The following RP1L1 variants were observed in gnomAD, a reference collection of about 807,000 sequenced individuals.
RP1L1 encodes the protein retinitis pigmentosa 1-like 1 protein.
A neutral mutation model predicts 15.7 loss-of-function variants in RP1L1; 27 were observed. The observed-to-expected ratio is 1.72, with a 90% CI of 1.27 to 2.38. The LOEUF (loss-of-function observed/expected upper bound fraction) is 2.38. Among genes scored for constraint, RP1L1 ranks in the 30% most tolerant of loss-of-function variants. The pLI, the probability that RP1L1 is intolerant of heterozygous loss-of-function variation, is 0.00. For synonymous variants in RP1L1, 1,813 were observed against 1,276.7 expected, an observed-to-expected ratio of 1.42 and a Z score of -8.96; for missense variants, 4,798 against 3,075.9, an observed-to-expected ratio of 1.56 and a Z score of -13.24.
intron 3 of RP1L1, 86 bp downstream of exon 3, chr8:10,616,360 T>A (rs1469127488): frequency 1.3e-6 from 2 of 1,577,532 alleles, no homozygotes; most frequent in South Asian, 2.2e-5. Context: ...GGAAGTTTCC[T>A]GAATTACCTG....
At chr8:10,645,721 A>G (rs1325993571) in intron 1 of RP1L1, among the ~76,000 whole-genome samples, 1 of 152,138 alleles carries the variant, frequency 6.6e-6, no homozygotes, top group Non-Finnish European at 1.5e-5. Flanking sequence ...CAGGTCCTCA[A>G]CCAAGCAAAC....
rs773981339 is a variant in RP1L1 at position 10,607,670 on chromosome 8, G to A, written c.6428C>T (p.Pro2143Leu). The A allele has an allele frequency of 1.9e-6, 3 of 1,588,700 alleles. No homozygotes were observed. The highest frequency in any genetic ancestry group is 1.1e-5 in the South Asian group (1 of 89,240). ...EAPEAEGEAQ[P>L]ESEGVEAQDA... Reference sequence around the variant, plus strand: ...CTGGGCCTCTACACCTTCTGACTCAGGCTGGGCCTCCCCTTCAGCCTCTGG... The same window carrying A: ...CTGGGCCTCTACACCTTCTGACTCAAGCTGGGCCTCCCCTTCAGCCTCTGG... Residue 2143 changes from proline to leucine, a missense_variant, in exon 4 of 4, where the codon CCT (proline) becomes CTT (leucine). Pro to Leu is a moderately conservative substitution (Grantham distance 98). Coordinates refer to ENST00000382483, the MANE Select transcript of RP1L1 (RefSeq NM_178857.6).
chr8:10,622,795 C>G lies in RP1L1; in HGVS notation c.407G>C (p.Arg136Pro), dbSNP rs189960401. 1 of 1,613,786 alleles carries G rather than the reference C, an allele frequency of 6.2e-7. No individual in the cohort carries two copies. The highest frequency in any genetic ancestry group is 1.3e-5 in the African/African-American group (1 of 74,902). The change falls in exon 2 of 4, where the codon CGT (arginine) becomes CCT (proline). Residue 136 changes from arginine to proline, a missense_variant. Arg to Pro is a moderately radical substitution (Grantham distance 103). Coordinates refer to ENST00000382483, the MANE Select transcript of RP1L1 (RefSeq NM_178857.6). ...GGAGGAGGAGGTGCCTGGGGCTTCA[C>G]GCTGGCCTTCGACATCCCGCAACTG... is the stretch of plus-strand genomic sequence containing the variant. ...AQQLRDVEGQ[R>P]EAPGTSSSRK...
chr8:10,622,847 G>A lies in RP1L1; in HGVS notation c.355C>T (p.Pro119Ser), dbSNP rs780348443. ...PPKTPSGPGR[P>S]QERNPTAQQL... ...TGAGCAGTGGGGTTTCTCTCCTGTG[G>A]CCGGCCTGGTCCACTGGGGGTCTTG... Residue 119 changes from proline (P) to serine (S), a missense_variant, in exon 2 of 4, where the codon CCA (proline) becomes TCA (serine). Transcript: ENST00000382483. 43 of 1,613,104 alleles carry A rather than the reference G, an allele frequency of 2.7e-5. No individual in the cohort carries two copies. Among genetic ancestry groups the A allele is most frequent in the Non-Finnish European group, 3.3e-5 (39 of 1,179,332 alleles).
Position 10,613,360 on chromosome 8 carries a change from A to T in RP1L1, c.752-14T>A, listed in dbSNP as rs928314998. 8 of 1,599,104 alleles carry T rather than the reference A, an allele frequency of 5.0e-6. No individual in the cohort carries two copies. The African/African-American group carries it at 9.3e-5, about 19-fold the overall frequency. ...GCCCCCAGCTCCCTGGCACGCAGTG[A>T]AGAGGAAAAGAAAAGAAGAAAAGAC... On this transcript the variant is annotated splice_polypyrimidine_tract_variant and intron_variant, in intron 3 of 3. Coordinates refer to ENST00000382483, the MANE Select transcript of RP1L1 (RefSeq NM_178857.6).
At position 10,628,523 on chromosome 8, in the gene RP1L1, T is replaced by G. The variant is rs2117236802; in HGVS notation, c.-19-5303A>C. Among the ~76,000 whole-genome samples, 3 of 152,224 alleles carry G rather than the reference T, an allele frequency of 2.0e-5. No individual in the cohort carries two copies. The South Asian group carries it at 6.2e-4, about 32-fold the overall frequency. The stretch of plus-strand genomic sequence containing the variant: ...CCAGGAAGCCCAGGCTAAGAACCTG[T>G]GATCCAATCCTTGGTGATGAGAAAA... On this transcript the variant is annotated intron_variant, in intron 1 of 3. Coordinates refer to ENST00000382483, the MANE Select transcript of RP1L1 (RefSeq NM_178857.6).
rs1007725493 is a variant in RP1L1 at position 10,621,930 on chromosome 8, C to G, written c.609+663G>C. On this transcript the variant is annotated intron_variant, in intron 2 of 3. Transcript: ENST00000382483. ...TTCCCAAACATGAAGCCCTCCAACGCCCTGTATTAAATCACTTTCTACTTA... is the reference window on the plus strand; with the variant it reads ...TTCCCAAACATGAAGCCCTCCAACGGCCTGTATTAAATCACTTTCTACTTA... Among the ~76,000 whole-genome samples the G allele has an allele frequency of 3.3e-5, 5 of 152,178 alleles. No individual in the cohort carries two copies. The South Asian group carries it at 6.2e-4, about 19-fold the overall frequency.
intron 1 of RP1L1, among the ~76,000 whole-genome samples, chr8:10,633,600 G>A (rs1039323527): frequency 3.9e-5 from 6 of 152,106 alleles, no homozygotes; most frequent in African/African-American, 1.2e-4. Flanking sequence ...TCAGAGGAGC[G>A]CAGCGTCCCG....
At chr8:10,625,135 G>T (rs1173623975) in intron 1 of RP1L1, among the ~76,000 whole-genome samples, 1 of 152,142 alleles carries the variant, frequency 6.6e-6, no homozygotes, top group Admixed American at 6.5e-5. Context: ...CCCCTTGCTG[G>T]TTTCCTCCTT....
chr8:10,620,877 C>A (rs1255870395), intron 2 of RP1L1, among the ~76,000 whole-genome samples: 1 of 152,150 alleles, frequency 6.6e-6, no homozygotes, highest in East Asian at 1.9e-4. Flanking sequence ...TAGTGAGGAA[C>A]CCCAAGGGCT....
In RP1L1 at chr8:10,611,626, G is replaced by A. The variant is rs1178737064; in HGVS notation, c.2472C>T (p.His824=). The A allele has an allele frequency of 1.2e-6, 2 of 1,612,852 alleles. No individual in the cohort carries two copies. The highest frequency in any genetic ancestry group is 1.1e-5 in the South Asian group (1 of 91,084). The stretch of plus-strand genomic sequence containing the variant: ...GCTGCGTCCCAGGCTGTGAGCAGCA[G>A]TGGCTTCGGTGGGGGCCCACCGCCC... ...EQGAVGPHRS[H]CCSQPGTQPA... Residue 824 remains histidine (H), a synonymous_variant, in exon 4 of 4, where the codon CAC becomes CAT. Transcript: ENST00000382483.
At position 10,611,197 on chromosome 8, in the gene RP1L1, C is replaced by T; in HGVS notation, c.2901G>A (p.Glu967=). The T allele has an allele frequency of 6.2e-7, 1 of 1,612,964 alleles. No individual in the cohort carries two copies. Residue 967 remains glutamate, a synonymous_variant, in exon 4 of 4, where the codon GAG becomes GAA. Transcript: ENST00000382483. ...CCAACTCATATGTCATGAGTATGGG[C>T]TCTTCTGGAATGTTGTCCAGCCATT... ...VREWLDNIPE[E]PILMTYELAD...
At chr8:10,627,245 G>A (rs963863080) in intron 1 of RP1L1, among the ~76,000 whole-genome samples, 1 of 152,140 alleles carries the variant, frequency 6.6e-6, no homozygotes, top group African/African-American at 2.4e-5. Flanking sequence ...ACATTCATCC[G>A]CGGATGAACA....
chr8:10,642,453 G>C (rs1341250592), intron 1 of RP1L1, among the ~76,000 whole-genome samples: 5 of 152,196 alleles, frequency 3.3e-5, no homozygotes, highest in Non-Finnish European at 4.4e-5. Context: ...CAGATGCCTG[G>C]AACGCGTATG....
intron 2 of RP1L1, among the ~76,000 whole-genome samples, chr8:10,618,316 A>G (rs1221749635): frequency 6.6e-6 from 1 of 152,006 alleles, no homozygotes; most frequent in Non-Finnish European, 1.5e-5. Context: ...CCTGGGCATC[A>G]TGGTGAAACC....
intron 2 of RP1L1, among the ~76,000 whole-genome samples, chr8:10,617,546 CTTTTTTTTTTTTTTTTTT>C (rs777209714): frequency 6.3e-5 from 4 of 63,392 alleles, no homozygotes; most frequent in Non-Finnish European, 1.1e-4. Context: ...GTTTCTTTTT[CTTTTTTTTTTTTTTTTTT>C]TTTTTTTTTT....
chr8:10,611,598 C>T lies in RP1L1; in HGVS notation c.2500G>A (p.Ala834Thr). 1 of 1,611,774 alleles carries T rather than the reference C, an allele frequency of 6.2e-7. No individual in the cohort carries two copies. The highest frequency in any genetic ancestry group is 8.5e-7 in the Non-Finnish European group (1 of 1,179,380). Residue 834 changes from alanine to threonine, a missense_variant, in exon 4 of 4, where the codon GCC (alanine) becomes ACC (threonine). Physicochemically the swap from Ala to Thr is moderately conservative, Grantham distance 58. Transcript: ENST00000382483. Reference sequence around the variant, plus strand: ...GAGGGTCCCCGCTGGGCCTCTTGGGCCGGCTGCGTCCCAGGCTGTGAGCAG... The same window carrying T: ...GAGGGTCCCCGCTGGGCCTCTTGGGTCGGCTGCGTCCCAGGCTGTGAGCAG... ...HCCSQPGTQP[A>T]QEAQRGPSPE...
In RP1L1 at chr8:10,609,624, G is replaced by A. The variant is rs780594370; in HGVS notation, c.4474C>T (p.Gln1492Ter). Reference sequence around the variant, plus strand: ...GCAGCCCCCTGGGTGGGTTGGGCCTGCGTGTGCTCTTGGCCCATCATGGTG... The same window carrying A: ...GCAGCCCCCTGGGTGGGTTGGGCCTACGTGTGCTCTTGGCCCATCATGGTG... ...GATMMGQEHT[Q>*]AQPTQGAAER... Residue 1492 changes from glutamine to a stop codon, truncating the protein, a stop_gained, in exon 4 of 4, where the codon CAG (glutamine) becomes TAG (stop). Coordinates refer to ENST00000382483, the MANE Select transcript of RP1L1 (RefSeq NM_178857.6). LOFTEE classifies it low-confidence loss of function (END_TRUNC). 1.9e-6 allele frequency: 3 copies of A among 1,607,790 alleles called. No individual in the cohort carries two copies. The highest frequency in any genetic ancestry group is 1.7e-5 in the Admixed American group (1 of 60,024).
intron 1 of RP1L1, among the ~76,000 whole-genome samples, chr8:10,650,552 T>C (rs1351713352): frequency 6.8e-6 from 1 of 146,430 alleles, no homozygotes; most frequent in African/African-American, 2.5e-5. Flanking sequence ...ACTCCGTAGT[T>C]CTTTTTTTTT....
Sources: allele counts gnomAD v4.1 joint callset (sites outside exome capture counted in the v4.1 genomes callset), GRCh38; gene constraint gnomAD v4.1.1; transcripts MANE v1.5; gene names NCBI Gene and HGNC (gene_info 2026-07-23, HGNC 2026-07-21).